Variants in CMIP observed in about 807,000 individuals in gnomAD.
CMIP encodes the protein C-Maf-inducing protein.
Under a neutral mutation model 97.3 loss-of-function variants are expected in CMIP, and 13 were observed. The ratio of observed to expected loss-of-function variants is 0.13; its 90% CI spans 0.09 to 0.21. CMIP has a LOEUF of 0.21. Ranked by LOEUF, CMIP falls within the 10% of genes least tolerant of loss-of-function variation. The pLI is 1.00. For synonymous variants in CMIP, 538 were observed against 436.3 expected (o/e 1.23, Z -2.91); for missense variants, 847 against 1,024.9 (o/e 0.83, Z 2.37).
At chr16:81,604,617 T>A (rs2150937789) in intron 1 of CMIP, among the ~76,000 whole-genome samples, 1 of 152,226 alleles carries the variant, frequency 6.6e-6, no homozygotes, top group African/African-American at 2.4e-5. Context: ...AGAGAATTGC[T>A]TGAACACGGG....
intron 1 of CMIP, among the ~76,000 whole-genome samples, chr16:81,556,219 G>T (rs1567577030): frequency 1.3e-5 from 2 of 152,122 alleles, no homozygotes; most frequent in African/African-American, 4.8e-5. Context: ...GCCCGGGTGG[G>T]GTGGAAGGCA....
At chr16:81,552,479 A>G (rs969279693) in intron 1 of CMIP, among the ~76,000 whole-genome samples, 4 of 152,036 alleles carry the variant, frequency 2.6e-5, no homozygotes, top group African/African-American at 9.7e-5. Context: ...AGGGGACAGA[A>G]TCTCTTCCCA....
chr16:81,639,096 G>T (rs1043031414), intron 3 of CMIP, among the ~76,000 whole-genome samples: 3 of 152,158 alleles, frequency 2.0e-5, no homozygotes, highest in African/African-American at 4.8e-5. Context: ...TCAGGACCAG[G>T]GGGTGACCCT....
chr16:81,552,011 T>A (rs1397088778), intron 1 of CMIP, among the ~76,000 whole-genome samples: 1 of 152,206 alleles, frequency 6.6e-6, no homozygotes, highest in Non-Finnish European at 1.5e-5. Flanking sequence ...ACCTGGTGAC[T>A]CTGCAGCCTC....
At chr16:81,512,170 A>G (rs1025298022) in intron 1 of CMIP, among the ~76,000 whole-genome samples, 1 of 152,140 alleles carries the variant, frequency 6.6e-6, no homozygotes, top group Non-Finnish European at 1.5e-5. Flanking sequence ...CTTGCATTGT[A>G]TTTCTATTGG....
intron 1 of CMIP, among the ~76,000 whole-genome samples, chr16:81,540,491 T>A (rs1479570872): frequency 6.6e-6 from 1 of 151,648 alleles, no homozygotes; most frequent in Non-Finnish European, 1.5e-5. Flanking sequence ...TTTGTAGAGA[T>A]GGGTTTTTGC....
At chr16:81,505,444 G>A (rs1000543802) in intron 1 of CMIP, among the ~76,000 whole-genome samples, 1 of 152,170 alleles carries the variant, frequency 6.6e-6, no homozygotes, top group African/African-American at 2.4e-5. Flanking sequence ...TTTGCACCCT[G>A]GTTTTCAAAG....
At chr16:81,576,075 G>C (rs973118697) in intron 1 of CMIP, among the ~76,000 whole-genome samples, 3 of 152,134 alleles carry the variant, frequency 2.0e-5, no homozygotes, top group Admixed American at 1.3e-4. Context: ...GAGATATCTT[G>C]TAAGATACTC....
intron 1 of CMIP, among the ~76,000 whole-genome samples, chr16:81,505,477 G>T (rs116794271): frequency 8.5e-5 from 13 of 152,354 alleles, no homozygotes; most frequent in African/African-American, 3.1e-4. Flanking sequence ...GTGAGCCCCA[G>T]AGCCTCAGCT....
At chr16:81,497,268 T>C (rs1412681289) in intron 1 of CMIP, among the ~76,000 whole-genome samples, 2 of 152,228 alleles carry the variant, frequency 1.3e-5, no homozygotes, top group Non-Finnish European at 2.9e-5. Flanking sequence ...TGGAAGGACC[T>C]GCTACCTGTC....
intron 4 of CMIP, among the ~76,000 whole-genome samples, chr16:81,657,203 A>G (rs974407577): frequency 6.6e-6 from 1 of 152,192 alleles, no homozygotes; most frequent in East Asian, 1.9e-4. Context: ...CATTCAACCT[A>G]ATTATGTTTT....
chr16:81,557,143 A>G (rs1473580759), intron 1 of CMIP, among the ~76,000 whole-genome samples: 3 of 152,364 alleles, frequency 2.0e-5, no homozygotes, highest in African/African-American at 4.8e-5. Flanking sequence ...AATCCTCTCT[A>G]CTGTCTTTTC....
intron 1 of CMIP, among the ~76,000 whole-genome samples, chr16:81,516,463 A>G (rs1428407261): frequency 6.6e-6 from 1 of 152,164 alleles, no homozygotes; most frequent in Non-Finnish European, 1.5e-5. Context: ...GCCGTGTTCC[A>G]GGCTTGGAAG....
intron 1 of CMIP, among the ~76,000 whole-genome samples, chr16:81,539,916 A>G (rs976829494): frequency 6.6e-6 from 1 of 152,198 alleles, no homozygotes; most frequent in African/African-American, 2.4e-5. Flanking sequence ...ATGTCTCTCT[A>G]CGTGCTCCGT....
intron 1 of CMIP, among the ~76,000 whole-genome samples, chr16:81,501,356 A>G (rs1490303010): frequency 1.3e-5 from 2 of 152,362 alleles, no homozygotes; most frequent in Non-Finnish European, 2.9e-5. Flanking sequence ...ACACAGCCTC[A>G]GGGGACCTGA....
chr16:81,450,742 G>A lies in CMIP; in HGVS notation c.300+5201G>A, dbSNP rs375369283. Among the ~76,000 whole-genome samples the A allele has an allele frequency of 1.4e-4, 21 of 152,300 alleles. No homozygotes were observed. The East Asian group carries it at 1.9e-3, about 14-fold the overall frequency. ...GTTTAAGAAAAATTCCTTGCGGGGC[G>A]TAGTCTAGTTTCTTAAAATAAATTA... On this transcript the variant is annotated intron_variant, in intron 1 of 20. Coordinates refer to ENST00000537098, the MANE Select transcript of CMIP (RefSeq NM_198390.3).
At chr16:81,581,444 T>G (rs928036877) in intron 1 of CMIP, among the ~76,000 whole-genome samples, 1 of 152,206 alleles carries the variant, frequency 6.6e-6, no homozygotes, top group Admixed American at 6.5e-5. Flanking sequence ...TACTGAATAC[T>G]GGTGGCAGTT....
At chr16:81,473,980 C>G (rs1371020258) in intron 1 of CMIP, among the ~76,000 whole-genome samples, 2 of 152,178 alleles carry the variant, frequency 1.3e-5, no homozygotes, top group East Asian at 3.9e-4. Flanking sequence ...ACTCCCATCC[C>G]TTTGCTCCTG....
rs1009462397 is a variant in CMIP, at chr16:81,627,578, C to G, written c.477+6652C>G. The stretch of plus-strand genomic sequence containing the variant: ...CTAGGGTGGGTGGGAAGCCCGCCCT[C>G]GAGACTGTCTCTGCCCGGCTCTGGC... On this transcript the variant is annotated intron_variant, in intron 3 of 20. Transcript: ENST00000537098. This position sits in a 1 kb window ranked among gnomAD's most constrained non-coding sequence, Gnocchi z 4.6. 1.3e-5 allele frequency among the ~76,000 whole-genome samples: 2 copies of G among 152,058 alleles called. No individual in the cohort carries two copies. The highest frequency in any genetic ancestry group is 2.9e-5 in the Non-Finnish European group (2 of 67,978).
Sources: gnomAD v4.1 joint callset for allele counts (sites outside exome capture counted in the v4.1 genomes callset) on GRCh38, gnomAD v4.1.1 for gene constraint, Gnocchi (gnomAD v3.1) non-coding constraint, MANE v1.5 for transcripts, NCBI Gene and HGNC (gene_info 2026-07-23, HGNC 2026-07-21) for gene names.